Variants in CUEDC1 observed in about 807,000 individuals in gnomAD.
CUEDC1 encodes CUE domain-containing protein 1.
CUEDC1 carries 30 observed loss-of-function variants against 43.7 expected under a neutral mutation model. The observed-to-expected ratio is 0.69, with a 90% CI of 0.51 to 0.93. The LOEUF (loss-of-function observed/expected upper bound fraction) is 0.93. Ranked by LOEUF, CUEDC1 falls within the 40% of genes least tolerant of loss-of-function variation. CUEDC1 has a pLI of 0.00. For missense variants in CUEDC1, 486 were observed against 549.0 expected (o/e 0.89, Z 1.15); for synonymous variants, 223 against 223.6 (o/e 1.00, Z 0.02).
At chr17:57,863,375 G>A (rs542110466) in intron 10 of CUEDC1, 90 bp from the exon 11 acceptor site, 8 of 152,346 alleles carry the variant, frequency 5.3e-5, no homozygotes, top group African/African-American at 1.9e-4. Context: ...GACAGTTTTG[G>A]GAGAAGTTAC....
At chr17:57,888,490 C>G (rs2074321477) in intron 1 of CUEDC1, among the ~76,000 whole-genome samples, 1 of 152,230 alleles carries the variant, frequency 6.6e-6, no homozygotes, top group South Asian at 2.1e-4. Flanking sequence ...AGAGGGGTGA[C>G]TTCAAATGAT....
Position 57,879,735 on chromosome 17 carries a change from A to G in CUEDC1, c.340T>C (p.Leu114=), listed in dbSNP as rs1221432523. ...CTATCAGGTTCCAAAGTCCTTTCCA[A>G]GATCTAAATCAGAGGCAACAGAGAA... ...DSEDSIPPEI[L]ERTLEPDSSD... The change falls in exon 3 of 11, where the codon TTG becomes CTG. Residue 114 remains leucine, a synonymous_variant. Coordinates refer to ENST00000577830, the MANE Select transcript of CUEDC1 (RefSeq NM_001271875.2). 3.1e-6 allele frequency: 5 copies of G among 1,597,610 alleles called. No individual in the cohort carries two copies. The highest frequency in any genetic ancestry group is 4.3e-6 in the Non-Finnish European group (5 of 1,174,240).
At chr17:57,908,184 G>A (rs993075263) in intron 1 of CUEDC1, among the ~76,000 whole-genome samples, 1 of 152,144 alleles carries the variant, frequency 6.6e-6, no homozygotes, top group African/African-American at 2.4e-5. Context: ...AGCCTCCTGA[G>A]CAGCTGGGAC....
chr17:57,949,059 G>A (rs1386885937), intron 1 of CUEDC1, among the ~76,000 whole-genome samples: 2 of 152,082 alleles, frequency 1.3e-5, no homozygotes, highest in African/African-American at 4.8e-5. Context: ...AACCCACACC[G>A]CTACTTAGCT....
At chr17:57,931,756 G>A (rs1057002439) in intron 1 of CUEDC1, among the ~76,000 whole-genome samples, 3 of 152,198 alleles carry the variant, frequency 2.0e-5, no homozygotes, top group Non-Finnish European at 4.4e-5. Flanking sequence ...AACCAAAGGT[G>A]TCTCAATAAG....
At chr17:57,911,648 G>A (rs557018852) in intron 1 of CUEDC1, among the ~76,000 whole-genome samples, 27 of 152,160 alleles carry the variant, frequency 1.8e-4, no homozygotes, top group African/African-American at 6.3e-4. Flanking sequence ...GATTACAGGC[G>A]TGCGCCACCA....
intron 1 of CUEDC1, chr17:57,912,447 C>T (rs1295263878): frequency 6.6e-6 from 1 of 152,190 alleles, no homozygotes; most frequent in East Asian, 1.9e-4. Context: ...TTTCTTCAAA[C>T]ATCTGGGGTT....
chr17:57,887,170 A>G (rs2074301671), intron 1 of CUEDC1, among the ~76,000 whole-genome samples: 1 of 151,904 alleles, frequency 6.6e-6, no homozygotes, highest in Non-Finnish European at 1.5e-5. Flanking sequence ...GCCCCAGCCA[A>G]TGTGTGTCCC....
chr17:57,881,402 G>T (rs901564994), intron 2 of CUEDC1, among the ~76,000 whole-genome samples: 6 of 152,064 alleles, frequency 3.9e-5, no homozygotes, highest in African/African-American at 1.2e-4. Context: ...AAGGAAAAAA[G>T]AGAGAGAACA....
intron 1 of CUEDC1, among the ~76,000 whole-genome samples, chr17:57,895,618 G>A (rs564681265): frequency 1.1e-4 from 17 of 152,272 alleles, no homozygotes; most frequent in Admixed American, 9.8e-4. Context: ...ATAAACAAAA[G>A]CCACCAGCTC....
At chr17:57,880,092 G>A (rs2074183356) in intron 2 of CUEDC1, among the ~76,000 whole-genome samples, 2 of 152,146 alleles carry the variant, frequency 1.3e-5, no homozygotes, top group African/African-American at 2.4e-5. Flanking sequence ...GGTAAGGGTG[G>A]GAACAGATAC....
At chr17:57,923,277 G>A (rs2074714879) in intron 1 of CUEDC1, among the ~76,000 whole-genome samples, 1 of 152,172 alleles carries the variant, frequency 6.6e-6, no homozygotes. Flanking sequence ...ACTGCCTCCT[G>A]GAAGCAGACA....
At chr17:57,929,333 C>T (rs939702672) in intron 1 of CUEDC1, among the ~76,000 whole-genome samples, 2 of 152,172 alleles carry the variant, frequency 1.3e-5, no homozygotes, top group Non-Finnish European at 2.9e-5. Flanking sequence ...CCCAAGAACA[C>T]ACCGCAAGTC....
intron 1 of CUEDC1, among the ~76,000 whole-genome samples, chr17:57,921,973 C>G (rs2074702644): frequency 6.6e-6 from 1 of 152,122 alleles, no homozygotes; most frequent in Admixed American, 6.6e-5. Context: ...ATTAGCCAGG[C>G]ATGGTGGCAC....
chr17:57,947,610 C>T (rs1314135884), intron 1 of CUEDC1, among the ~76,000 whole-genome samples: 1 of 152,028 alleles, frequency 6.6e-6, no homozygotes, highest in Non-Finnish European at 1.5e-5. Flanking sequence ...ACCAGCCAGG[C>T]CAACATGGTG....
intron 1 of CUEDC1, among the ~76,000 whole-genome samples, chr17:57,902,462 G>A (rs532197906): frequency 2.0e-5 from 3 of 152,278 alleles, no homozygotes; most frequent in African/African-American, 4.8e-5. Context: ...CCCACAGCCC[G>A]GACACGGGTT....
intron 1 of CUEDC1, among the ~76,000 whole-genome samples, chr17:57,896,769 T>G (rs1412448707): frequency 7.4e-6 from 1 of 135,970 alleles, no homozygotes; most frequent in Non-Finnish European, 1.6e-5. Flanking sequence ...TCTTCTTTCT[T>G]TTTTTTTTTT....
chr17:57,877,662 G>C (rs899315030), intron 3 of CUEDC1, among the ~76,000 whole-genome samples: 1 of 151,390 alleles, frequency 6.6e-6, no homozygotes, highest in African/African-American at 2.4e-5. Context: ...CGAGGTGGGC[G>C]AATCACCTGA....
At chr17:57,915,877 A>T (rs2074634589) in intron 1 of CUEDC1, among the ~76,000 whole-genome samples, 2 of 152,318 alleles carry the variant, frequency 1.3e-5, no homozygotes, top group South Asian at 2.1e-4. Context: ...GTCTAAAGAC[A>T]TGCTCCCAAG....
Sources: allele counts gnomAD v4.1 joint callset (sites outside exome capture counted in the v4.1 genomes callset), GRCh38; gene constraint gnomAD v4.1.1; transcripts MANE v1.5; gene names NCBI Gene and HGNC (gene_info 2026-07-23, HGNC 2026-07-21).